Variants in PLK4 observed in about 807,000 individuals in gnomAD.
The protein encoded by PLK4 is polo like kinase 4, also known as serine/threonine-protein kinase PLK4.
In PLK4, 51 loss-of-function variants were observed where a neutral mutation model predicts 103.0. That is an observed-to-expected ratio of 0.50 (90% confidence interval 0.40 to 0.63). PLK4 has a LOEUF of 0.63. Ranked by LOEUF, PLK4 falls within the 20% of genes least tolerant of loss-of-function variation. The pLI is 0.00. For missense variants in PLK4, 1,054 were observed against 1,151.0 expected, an observed-to-expected ratio of 0.92 and a Z score of 1.22; for synonymous variants, 389 against 376.8, an observed-to-expected ratio of 1.03 and a Z score of -0.38.
At chr4:127,887,608 T>C in intron 6 of PLK4, 112 bp downstream of exon 6, 1 of 691,754 alleles carries the variant, frequency 1.4e-6, no homozygotes. Context: ...CTTGGTGCAG[T>C]AGCTCATGCC....
intron 7 of PLK4, 172 bp from the exon 8 acceptor site, chr4:127,890,920 C>T (rs935642072): frequency 2.8e-5 from 12 of 432,882 alleles, no homozygotes; most frequent in Non-Finnish European, 4.1e-5. Flanking sequence ...CCATATGGTT[C>T]ACAGTTGTGC....
intron 14 of PLK4, among the ~76,000 whole-genome samples, chr4:127,896,287 A>T (rs1448223529): frequency 6.6e-6 from 1 of 152,180 alleles, no homozygotes; most frequent in Non-Finnish European, 1.5e-5. Flanking sequence ...GCGTCCATGT[A>T]CTATGCACTT....
chr4:127,882,262 C>G (rs1734960065), intron 2 of PLK4, among the ~76,000 whole-genome samples: 1 of 152,104 alleles, frequency 6.6e-6, no homozygotes, highest in African/African-American at 2.4e-5. Context: ...CTGTAACATA[C>G]AAAATATTAT....
At chr4:127,887,322 C>T in intron 5 of PLK4, 74 bp from the exon 6 acceptor site, 1 of 758,908 alleles carries the variant, frequency 1.3e-6, no homozygotes, top group Non-Finnish European at 2.3e-6. Flanking sequence ...AAATCCTTCT[C>T]TAATATTTTT....
At chr4:127,894,848 T>TA (rs1735502136) in intron 13 of PLK4, 105 bp from the exon 14 acceptor site, 3 of 721,884 alleles carry the variant, frequency 4.2e-6, no homozygotes, top group South Asian at 4.1e-5. Flanking sequence ...TGTTTGTTTT[T>TA]AAAAAAATTA....
In PLK4 at chr4:127,892,669, CAT is replaced by C. The variant is rs1735407149; in HGVS notation, c.2188+158_2188+159del. The C allele has an allele frequency of 1.3e-5, 7 of 532,984 alleles. No individual in the cohort carries two copies. The East Asian group carries it at 2.5e-4, about 19-fold the overall frequency. 33.0% of individuals were successfully genotyped at this position (532,984 alleles called of 1,614,324 possible). A position where few individuals can be genotyped will look rare whatever the true frequency, so the allele number is the denominator to read the frequency against. On this transcript the variant is annotated intron_variant, in intron 10 of 15. Transcript: ENST00000270861. ...GCACAGCGGAGTATACATGTCAAAT[CAT>C]ATTAATCAAAATTTATCTAGCCTTC... is the stretch of plus-strand genomic sequence containing the variant.
rs762903393 is a variant in PLK4 at position 127,880,967 on chromosome 4, G to A, written c.-168G>A. The A allele has an allele frequency of 9.0e-5, 62 of 688,346 alleles. No individual in the cohort carries two copies. Among genetic ancestry groups the A allele is most frequent in the Non-Finnish European group, 1.5e-4 (62 of 406,352 alleles). 42.6% of individuals were successfully genotyped at this position (688,346 alleles called of 1,614,324 possible). ...AGCCCAGAGGCACCGCCCAGGCCTC[G>A]GAAGGTGTCAGGGAGAACTTTCCGT... is the stretch of plus-strand genomic sequence containing the variant. On this transcript the variant is annotated 5_prime_UTR_variant, in exon 1 of 16. Transcript: ENST00000270861.
rs1389583514 is a variant in PLK4 at position 127,881,935 on chromosome 4, A to AT, written c.126+9_126+10insT. On this transcript the variant is annotated intron_variant, in intron 2 of 15. Transcript: ENST00000270861. ...AAGTTGCAATCAAAATGGTAAGAAT[A>AT]AACTAATCAACTTCTCTCCTGTACT... 7 of 1,452,284 alleles carry AT rather than the reference A, an allele frequency of 4.8e-6. No individual in the cohort carries two copies. Among genetic ancestry groups the AT allele is most frequent in the Non-Finnish European group, 6.8e-6 (7 of 1,032,402 alleles). The allele number at this position is 1,452,284 out of a possible 1,614,324, so 90.0% of individuals were successfully genotyped here.
Position 127,889,983 on chromosome 4 carries a change from A to G in PLK4, c.1577A>G (p.Lys526Arg). ...GCCTGGACTGATACAAAAGTCAAAA[A>G]GAACTCTGATGCTTCTGATAATGCA... ...KNAWTDTKVK[K>R]NSDASDNAHS... Residue 526 changes from lysine (K) to arginine (R), a missense_variant, in exon 7 of 16, where the codon AAG becomes AGG. Around this residue, in one of 4 missense-constraint regions of PLK4, gnomAD observed 680 missense variants for 660.3 expected, o/e 1.03. Coordinates refer to ENST00000270861, the MANE Select transcript of PLK4 (RefSeq NM_014264.5). 6.2e-7 allele frequency: 1 copy of G among 1,614,136 alleles called. No homozygotes were observed. The highest frequency in any genetic ancestry group is 8.5e-7 in the Non-Finnish European group (1 of 1,179,956).
intron 7 of PLK4, 75 bp from the exon 8 acceptor site, chr4:127,891,017 T>A: frequency 1.3e-6 from 1 of 771,538 alleles, no homozygotes; most frequent in Non-Finnish European, 2.1e-6. Context: ...TAAGTACTCC[T>A]AAGTATTATG....
At position 127,886,581 on chromosome 4, in the gene PLK4, T is replaced by A; in HGVS notation, c.1211T>A (p.Met404Lys). 1.2e-6 allele frequency: 2 copies of A among 1,614,138 alleles called. No individual in the cohort carries two copies. The highest frequency in any genetic ancestry group is 1.7e-6 in the Non-Finnish European group (2 of 1,180,000). ...ATGGAACGATGTCACTCAGCAGAAA[T>A]GCTTTCAGTGTCCAAAAGATCAGGA... ...YTMERCHSAE[M>K]LSVSKRSGGG... Residue 404 changes from methionine (M) to lysine (K), a missense_variant, in exon 5 of 16, where the codon ATG becomes AAG. This residue lies in a region of PLK4 where 680 missense variants were observed against 660.3 expected (regional missense o/e 1.03). Coordinates refer to ENST00000270861, the MANE Select transcript of PLK4 (RefSeq NM_014264.5).
chr4:127,886,383 G>A lies in PLK4; in HGVS notation c.1013G>A (p.Gly338Glu), dbSNP rs768543661. The A allele has an allele frequency of 1.2e-6, 2 of 1,613,860 alleles. No individual in the cohort carries two copies. The highest frequency in any genetic ancestry group is 1.7e-6 in the Non-Finnish European group (2 of 1,179,866). Residue 338 changes from glycine to glutamate, a missense_variant, in exon 5 of 16, where the codon GGA becomes GAA. Physicochemically the swap from Gly to Glu is moderately conservative, Grantham distance 98 (BLOSUM62 -2). Coordinates refer to ENST00000270861, the MANE Select transcript of PLK4 (RefSeq NM_014264.5). The stretch of plus-strand genomic sequence containing the variant: ...AGTTCAACTGATTTTTCTTCTTCAG[G>A]AGATGGAAACAGTTTTTATACTCAG... ...NKSSTDFSSS[G>E]DGNSFYTQWG...
chr4:127,893,747 A>G lies in PLK4; in HGVS notation c.2428A>G (p.Thr810Ala), dbSNP rs1735453661. 3 of 1,608,890 alleles carry G rather than the reference A, an allele frequency of 1.9e-6. No individual in the cohort carries two copies. The highest frequency in any genetic ancestry group is 2.6e-6 in the Non-Finnish European group (3 of 1,175,938). ...TTTCCCCTTCAGAAAACCTGGTAGT[A>G]CTAGTTCACCTAAGGCCTTATCACC... ...PIIIGRKPGS[T>A]SSPKALSPPP... Residue 810 changes from threonine to alanine, a missense_variant, in exon 13 of 16, where the codon ACT becomes GCT. Transcript: ENST00000270861.
At position 127,891,562 on chromosome 4, in the gene PLK4, A is replaced by G. The variant is rs897181065; in HGVS notation, c.1936-17A>G. 1 of 1,264,754 alleles carries G rather than the reference A, an allele frequency of 7.9e-7. No homozygotes were observed. 78.3% of individuals were successfully genotyped at this position (1,264,754 alleles called of 1,614,324 possible). A position where few individuals can be genotyped will look rare whatever the true frequency, so the allele number is the denominator to read the frequency against. ...TTAATGGCATGTAATTAGAATTTTA[A>G]AAAAATCTTTTGGCAGATCACTATT... is the stretch of plus-strand genomic sequence containing the variant. On this transcript the variant is annotated splice_polypyrimidine_tract_variant and intron_variant, in intron 8 of 15. Coordinates refer to ENST00000270861, the MANE Select transcript of PLK4 (RefSeq NM_014264.5).
chr4:127,885,204 G>A (rs1435575291), intron 4 of PLK4, among the ~76,000 whole-genome samples: 2 of 152,060 alleles, frequency 1.3e-5, no homozygotes, highest in African/African-American at 4.8e-5. Context: ...GATAGGCCAG[G>A]CGCGGTGGCT....
rs1735342945 is a variant in PLK4, at chr4:127,891,166, A to G, written c.1905A>G (p.Glu635=). 4 of 1,575,598 alleles carry G rather than the reference A, an allele frequency of 2.5e-6. No individual in the cohort carries two copies. The highest frequency in any genetic ancestry group is 3.5e-6 in the Non-Finnish European group (4 of 1,148,224). Residue 635 remains glutamate (E), a synonymous_variant, in exon 8 of 16, where the codon GAA becomes GAG. Coordinates refer to ENST00000270861, the MANE Select transcript of PLK4 (RefSeq NM_014264.5). ...KEYASQEYVK[E]VLQISSDGNT... ...ATGCATCTCAAGAATATGTGAAAGA[A>G]GTTCTTCAGATATCTAGTGATGGAA...
chr4:127,888,211 A>AAAAAAAAC (rs1735217363), intron 6 of PLK4, among the ~76,000 whole-genome samples: 2 of 144,580 alleles, frequency 1.4e-5, no homozygotes, highest in Non-Finnish European at 3.0e-5. Context: ...AAAAAAAAAA[A>AAAAAAAAC]AGCATTTTCA....
rs1480720408 is a variant in PLK4 at position 127,893,309 on chromosome 4, AT to A, written c.2216del (p.Phe739SerfsTer4). On this transcript the variant is annotated frameshift_variant, in exon 11 of 16. Coordinates refer to ENST00000270861, the MANE Select transcript of PLK4 (RefSeq NM_014264.5). LOFTEE classifies it high-confidence loss of function. Reference sequence around the variant, plus strand: ...GGGGTAAAAATACACAAAACAGAAGATTTCATTCAGGTGATTGAAAAGACAG... The same window carrying A: ...GGGGTAAAAATACACAAAACAGAAGATTCATTCAGGTGATTGAAAAGACAG... The part of the protein sequence containing the change: ...YDGVKIHKTE[D>X]FIQVIEKTGK... The A allele has an allele frequency of 6.3e-7, 1 of 1,588,486 alleles. No homozygotes were observed. Among genetic ancestry groups the A allele is most frequent in the African/African-American group, 1.4e-5 (1 of 74,048 alleles).
At chr4:127,890,641 T>C (rs1735320624) in intron 7 of PLK4, among the ~76,000 whole-genome samples, 1 of 152,200 alleles carries the variant, frequency 6.6e-6, no homozygotes, top group Non-Finnish European at 1.5e-5. Flanking sequence ...ATATAACTTT[T>C]ATTTTTTTAG....
Sources: gnomAD v4.1 joint callset for allele counts (sites outside exome capture counted in the v4.1 genomes callset) on GRCh38, gnomAD v4.1.1 for gene constraint, gnomAD v4.1.1 regional missense constraint, MANE v1.5 for transcripts, NCBI Gene and HGNC (gene_info 2026-07-23, HGNC 2026-07-21) for gene names.